KALRN: variants seen among roughly 807,000 people sequenced by gnomAD.
The protein encoded by KALRN is kalirin RhoGEF kinase.
KALRN carries 70 observed loss-of-function variants against 353.7 expected under a neutral mutation model. The observed-to-expected ratio is 0.20, with a 90% confidence interval of 0.16 to 0.24. KALRN has a LOEUF of 0.24. Among genes scored for constraint, KALRN ranks in the 10% least tolerant of loss-of-function variants. The probability of loss-of-function intolerance (pLI) is 1.00; values close to 1 mark genes in which losing one functional copy is unlikely to be tolerated. For missense variants in KALRN, 2,791 were observed against 3,756.7 expected (o/e 0.74, Z 6.72); for synonymous variants, 1,391 against 1,434.8 (o/e 0.97, Z 0.69).
chr3:124,264,453 CT>C, intron 3 of KALRN, 44 bp from the exon 4 acceptor site: 1 of 1,571,594 alleles, frequency 6.4e-7, no homozygotes. Context: ...ACTCCAAAGT[CT>C]CAGCTACCCA....
intron 39 of KALRN, among the ~76,000 whole-genome samples, chr3:124,655,979 T>C (rs1578705783): frequency 6.6e-6 from 1 of 152,202 alleles, no homozygotes. Context: ...CTTTGATGTT[T>C]AACTATGTGG....
intron 34 of KALRN, among the ~76,000 whole-genome samples, chr3:124,597,916 G>A (rs34853315): frequency 1.2e-3 from 182 of 152,164 alleles, no homozygotes; most frequent in African/African-American, 4.1e-3. Flanking sequence ...ATATATCTCT[G>A]TAGAGAAGAT....
chr3:124,554,154 G>A (rs1484628917), intron 33 of KALRN, among the ~76,000 whole-genome samples: 4 of 152,184 alleles, frequency 2.6e-5, no homozygotes, highest in African/African-American at 7.2e-5. Context: ...CCAGGAGTTC[G>A]AGACCAGCCT....
chr3:124,531,809 A>G (rs1352301816), intron 33 of KALRN, among the ~76,000 whole-genome samples: 1 of 152,206 alleles, frequency 6.6e-6, no homozygotes, highest in Non-Finnish European at 1.5e-5. Context: ...ATAATTCAAC[A>G]TGAGATTTGG....
At chr3:124,566,170 A>T (rs1354383556) in intron 34 of KALRN, among the ~76,000 whole-genome samples, 1 of 152,080 alleles carries the variant, frequency 6.6e-6, no homozygotes, top group Non-Finnish European at 1.5e-5. Flanking sequence ...CACCCATGTG[A>T]GCTCTGAATA....
intron 6 of KALRN, among the ~76,000 whole-genome samples, chr3:124,308,752 A>G (rs1386370548): frequency 6.6e-6 from 1 of 151,906 alleles, no homozygotes; most frequent in African/African-American, 2.4e-5. Flanking sequence ...TTCCACTTTA[A>G]AACACTGGAA....
Position 124,334,602 on chromosome 3 carries a change from G to A in KALRN, c.1647+107G>A, listed in dbSNP as rs1003762285. ...TTAGGAGAGCCCAGATTTATAGAAGGACATAATGAAATTCAGCTCTCAACT... is the reference window on the plus strand; with the variant it reads ...TTAGGAGAGCCCAGATTTATAGAAGAACATAATGAAATTCAGCTCTCAACT... On this transcript the variant is annotated intron_variant, in intron 9 of 59. Transcript: ENST00000682506. This position sits in a 1 kb window ranked among gnomAD's most constrained non-coding sequence, Gnocchi z 4.2. 2 of 722,630 alleles carry A rather than the reference G, an allele frequency of 2.8e-6. No individual in the cohort carries two copies. 44.8% of individuals were successfully genotyped at this position (722,630 alleles called of 1,614,324 possible). A position where few individuals can be genotyped will look rare whatever the true frequency, so the allele number is the denominator to read the frequency against.
chr3:124,490,640 C>A, intron 29 of KALRN, 54 bp from the exon 30 acceptor site: 1 of 1,542,640 alleles, frequency 6.5e-7, no homozygotes, highest in Non-Finnish European at 8.9e-7. Context: ...GGAACATGGC[C>A]CCCTGACTGT....
chr3:124,682,716 G>A (rs1185748261), intron 51 of KALRN, among the ~76,000 whole-genome samples: 3 of 152,168 alleles, frequency 2.0e-5, no homozygotes, highest in South Asian at 2.1e-4. Context: ...AGATATACAG[G>A]CGCATCCTTG....
chr3:124,261,748 T>A (rs2072896571), intron 3 of KALRN, among the ~76,000 whole-genome samples: 1 of 152,048 alleles, frequency 6.6e-6, no homozygotes, highest in African/African-American at 2.4e-5. Context: ...AGAGATGGAG[T>A]CTGAGGAGCA....
At chr3:124,077,016 G>A (rs1202876137) in intron 1 of KALRN, among the ~76,000 whole-genome samples, 2 of 152,182 alleles carry the variant, frequency 1.3e-5, no homozygotes, top group African/African-American at 4.8e-5. Context: ...CAAACTCCTC[G>A]GTTTACAGAT....
intron 37 of KALRN, among the ~76,000 whole-genome samples, chr3:124,649,609 T>TAAACAAAC (rs75988107): frequency 0.068 from 9,781 of 143,390 alleles, 455 homozygotes; most frequent in African/African-American, 0.14. Context: ...CCCAGTCTCT[T>TAAACAAAC]AAACAAACAA....
In KALRN at chr3:124,719,415, G is replaced by A. The variant is rs756057258; in HGVS notation, c.8906G>A (p.Arg2969Gln). The change falls in exon 60 of 60, where the codon CGG (arginine) becomes CAG (glutamine). Residue 2969 changes from arginine to glutamine, a missense_variant. Physicochemically the swap from Arg to Gln is conservative, Grantham distance 43. Transcript: ENST00000682506. The surrounding 1 kb of genome is among the most constrained non-coding windows in gnomAD (Gnocchi z 5.3). ...IERRKHQNDV[R>Q]PIPNVKSYIV... The stretch of plus-strand genomic sequence containing the variant: ...CGTCGCAAGCACCAGAATGATGTGC[G>A]GCCTATTCCCAATGTCAAGAGCTAC... 4 of 1,614,058 alleles carry A rather than the reference G, an allele frequency of 2.5e-6. No individual in the cohort carries two copies. The highest frequency in any genetic ancestry group is 3.4e-6 in the Non-Finnish European group (4 of 1,180,028).
chr3:124,684,879 A>G (rs1028237776), intron 51 of KALRN, among the ~76,000 whole-genome samples: 15 of 151,970 alleles, frequency 9.9e-5, no homozygotes, highest in African/African-American at 3.4e-4. Context: ...CCTCAAACCT[A>G]CAGTTCCCTG....
intron 1 of KALRN, among the ~76,000 whole-genome samples, chr3:124,060,168 A>T (rs1214155483): frequency 3.3e-5 from 5 of 152,188 alleles, no homozygotes; most frequent in African/African-American, 1.2e-4. Context: ...TAGAGTCTGT[A>T]TCAGGGAGTC....
At chr3:124,657,229 G>T (rs943347345) in intron 39 of KALRN, among the ~76,000 whole-genome samples, 1 of 152,170 alleles carries the variant, frequency 6.6e-6, no homozygotes, top group Non-Finnish European at 1.5e-5. Flanking sequence ...TTCTTAAGGG[G>T]ACTGGAGACA....
At chr3:124,326,211 A>G in intron 7 of KALRN, 40 bp downstream of exon 7, 1 of 1,575,448 alleles carries the variant, frequency 6.3e-7, no homozygotes, top group Non-Finnish European at 8.7e-7. Flanking sequence ...GTTGGTAGGA[A>G]GGGTTGGGCA....
intron 1 of KALRN, among the ~76,000 whole-genome samples, chr3:124,206,389 C>G (rs965347563): frequency 6.6e-6 from 1 of 152,202 alleles, no homozygotes; most frequent in Non-Finnish European, 1.5e-5. Context: ...TGCTCACCTT[C>G]CATTGACCAG....
intron 1 of KALRN, among the ~76,000 whole-genome samples, chr3:124,167,252 A>C (rs937839122): frequency 6.6e-6 from 1 of 152,164 alleles, no homozygotes; most frequent in Non-Finnish European, 1.5e-5. Context: ...CCTGTTAAGC[A>C]GGAGACTCTG....
Sources: gnomAD v4.1 joint callset for allele counts (sites outside exome capture counted in the v4.1 genomes callset) on GRCh38, gnomAD v4.1.1 for gene constraint, Gnocchi (gnomAD v3.1) non-coding constraint, MANE v1.5 for transcripts, NCBI Gene and HGNC (gene_info 2026-07-23, HGNC 2026-07-21) for gene names.